HMGN3: variants seen among roughly 807,000 people sequenced by gnomAD.
The protein encoded by HMGN3 is high mobility group nucleosome-binding domain-containing protein 3.
A neutral mutation model predicts 18.8 loss-of-function variants in HMGN3; 6 were observed. That is an observed-to-expected ratio of 0.32 (90% CI 0.18 to 0.63). The LOEUF is 0.63. Ranked by LOEUF, HMGN3 falls within the 30% of genes least tolerant of loss-of-function variation. The pLI, the probability that HMGN3 is intolerant of heterozygous loss-of-function variation, is 0.79. For missense variants in HMGN3, 107 were observed against 114.2 expected (o/e 0.94, Z 0.29); for synonymous variants, 40 against 36.5 (o/e 1.10, Z -0.35).
chr6:79,205,079 C>T (rs1412555557), intron 3 of HMGN3, among the ~76,000 whole-genome samples: 1 of 152,140 alleles, frequency 6.6e-6, no homozygotes, highest in African/African-American at 2.4e-5. Flanking sequence ...TCTGAGGAGG[C>T]TCTGTTTCGG....
At chr6:79,227,406 G>T (rs1240845693) in intron 1 of HMGN3, among the ~76,000 whole-genome samples, 1 of 152,118 alleles carries the variant, frequency 6.6e-6, no homozygotes, top group African/African-American at 2.4e-5. Context: ...GGATCTGCTG[G>T]CTCCCTACTA....
intron 1 of HMGN3, chr6:79,234,325 A>G (rs762153425): frequency 1.2e-4 from 52 of 435,704 alleles, no homozygotes; most frequent in Non-Finnish European, 2.0e-4. Context: ...AAACCGCGTC[A>G]CTGGAGAGAA....
At chr6:79,209,363 T>A (rs530701881) in intron 2 of HMGN3, among the ~76,000 whole-genome samples, 1 of 152,322 alleles carries the variant, frequency 6.6e-6, no homozygotes, top group East Asian at 1.9e-4. Flanking sequence ...AAAATTGATA[T>A]TCTACTTACC....
chr6:79,211,051 C>T (rs1012805283), intron 2 of HMGN3, among the ~76,000 whole-genome samples: 3 of 142,080 alleles, frequency 2.1e-5, no homozygotes, highest in Non-Finnish European at 3.0e-5. Flanking sequence ...GCTGTCTAAA[C>T]CAGCCAGTAC....
At chr6:79,225,768 C>T (rs13213305) in intron 1 of HMGN3, among the ~76,000 whole-genome samples, 10,124 of 152,262 alleles carry the variant, frequency 0.066, 361 homozygotes, top group South Asian at 0.1. Context: ...ATCTTGTCTA[C>T]AACCCTACAG....
exon 6 of HMGN3, chr6:79,201,537 T>C: frequency 1.7e-6 from 1 of 604,650 alleles, no homozygotes; most frequent in Admixed American, 3.0e-5. Flanking sequence ...AAAGCATGAC[T>C]ATGAGACGAT....
intron 1 of HMGN3, among the ~76,000 whole-genome samples, chr6:79,216,253 T>G (rs1485516985): frequency 1.3e-5 from 2 of 152,168 alleles, no homozygotes; most frequent in African/African-American, 4.8e-5. Context: ...ATGGAATAAG[T>G]GGAAGCAACT....
exon 6 of HMGN3, chr6:79,201,574 T>C: frequency 2.8e-6 from 2 of 719,954 alleles, no homozygotes; most frequent in Non-Finnish European, 4.8e-6. Context: ...TATATTTTCG[T>C]ATGCCAACTA....
At chr6:79,214,158 A>G (rs1776840148) in intron 2 of HMGN3, among the ~76,000 whole-genome samples, 1 of 151,878 alleles carries the variant, frequency 6.6e-6, no homozygotes, top group Non-Finnish European at 1.5e-5. Context: ...TTTAAAAAAA[A>G]GCTTTAATAT....
intron 2 of HMGN3, 89 bp downstream of exon 2, chr6:79,214,883 T>C (rs1358842599): frequency 1.3e-6 from 1 of 767,762 alleles, no homozygotes; most frequent in East Asian, 2.7e-5. Context: ...CATACAATTG[T>C]CCGCATTTCA....
chr6:79,214,491 G>A (rs1217477082), intron 2 of HMGN3, among the ~76,000 whole-genome samples: 2 of 152,162 alleles, frequency 1.3e-5, no homozygotes, highest in African/African-American at 2.4e-5. Context: ...GTGAGCCACT[G>A]CGCCCGGCCT....
At chr6:79,220,738 C>T (rs13191988) in intron 1 of HMGN3, among the ~76,000 whole-genome samples, 3,184 of 152,216 alleles carry the variant, frequency 0.021, 61 homozygotes, top group Non-Finnish European at 0.03. Flanking sequence ...TGAGCCACCA[C>T]GCCCCACCAC....
At position 79,220,004 on chromosome 6, in the gene HMGN3, C is replaced by T. The variant is rs192756075; in HGVS notation, c.16-4982G>A. On this transcript the variant is annotated intron_variant, in intron 1 of 5. Transcript: ENST00000344726. ...AAATTAAATAACAAATTCAGCTCCT[C>T]ATTCTTAAGTGTTTAATAAACTCAT... Among the ~76,000 whole-genome samples the T allele has an allele frequency of 3.9e-5, 6 of 152,278 alleles. No individual in the cohort carries two copies. The East Asian group carries it at 1.2e-3, about 29-fold the overall frequency.
intron 4 of HMGN3, among the ~76,000 whole-genome samples, chr6:79,203,138 G>T (rs1561981464): frequency 6.6e-6 from 1 of 151,958 alleles, no homozygotes; most frequent in East Asian, 1.9e-4. Context: ...ATACTATAAG[G>T]GCCTTATAAA....
At position 79,211,607 on chromosome 6, in the gene HMGN3, C is replaced by G. The variant is rs369432981; in HGVS notation, c.67-3031G>C. 5.3e-5 allele frequency among the ~76,000 whole-genome samples: 8 copies of G among 151,732 alleles called. No individual in the cohort carries two copies. The South Asian group carries it at 1.3e-3, about 24-fold the overall frequency. On this transcript the variant is annotated intron_variant, in intron 2 of 5. Coordinates refer to ENST00000344726, the Ensembl canonical transcript of HMGN3. ...AATATCCAATTATTTTACTAGCTCT[C>G]AGGGAGGGAAGGAGGGCTTTTAGAA...
At chr6:79,215,070 C>T (rs747210608) in intron 1 of HMGN3, 48 bp from the exon 2 acceptor site, 5 of 1,086,062 alleles carry the variant, frequency 4.6e-6, no homozygotes, top group Non-Finnish European at 6.8e-6. Flanking sequence ...GGAAAACACA[C>T]ATTAGAAAAA....
At chr6:79,215,506 T>A (rs916741274) in intron 1 of HMGN3, among the ~76,000 whole-genome samples, 2 of 152,236 alleles carry the variant, frequency 1.3e-5, no homozygotes, top group Non-Finnish European at 2.9e-5. Flanking sequence ...CATTTCTTGA[T>A]ATGAACTGAC....
At chr6:79,221,392 C>T (rs1777277584) in intron 1 of HMGN3, among the ~76,000 whole-genome samples, 1 of 152,170 alleles carries the variant, frequency 6.6e-6, no homozygotes, top group South Asian at 2.1e-4. Context: ...CACAAAGATG[C>T]CTGGGTCCTG....
chr6:79,203,460 C>T, intron 4 of HMGN3, 120 bp downstream of exon 4: 1 of 872,652 alleles, frequency 1.1e-6, no homozygotes, highest in Non-Finnish European at 1.9e-6. Context: ...AAGCCCGTAA[C>T]AGTGGTAATG....
Sources: allele counts gnomAD v4.1 joint callset (sites outside exome capture counted in the v4.1 genomes callset), GRCh38; gene constraint gnomAD v4.1.1; transcripts MANE v1.5; gene names NCBI Gene and HGNC (gene_info 2026-07-23, HGNC 2026-07-21).